TTC7B: variants seen among roughly 807,000 people sequenced by gnomAD.
TTC7B encodes tetratricopeptide repeat domain 7B.
TTC7B carries 28 observed loss-of-function variants against 106.8 expected under a neutral mutation model. The ratio of observed to expected loss-of-function variants is 0.26; its 90% CI spans 0.19 to 0.36. TTC7B has a LOEUF of 0.36. TTC7B is among the 10% of genes least tolerant of loss of function. The probability of loss-of-function intolerance (pLI) is 1.00; values close to 1 mark genes in which losing one functional copy is unlikely to be tolerated. For synonymous variants in TTC7B, 405 were observed against 430.6 expected (o/e 0.94, Z 0.74); for missense variants, 862 against 1,076.4 (o/e 0.80, Z 2.79).
chr14:90,566,605 T>C (rs1890811521), intron 19 of TTC7B, among the ~76,000 whole-genome samples: 1 of 152,038 alleles, frequency 6.6e-6, no homozygotes, highest in Non-Finnish European at 1.5e-5. Context: ...GTTATATAAA[T>C]ACCACACAGA....
intron 5 of TTC7B, among the ~76,000 whole-genome samples, chr14:90,712,110 A>C (rs572002411): frequency 6.6e-6 from 1 of 152,356 alleles, no homozygotes; most frequent in East Asian, 1.9e-4. Flanking sequence ...GGCTATATTA[A>C]TACCTGGTAA....
At position 90,657,314 on chromosome 14, in the gene TTC7B, G is replaced by C. The variant is rs747476440; in HGVS notation, c.1237-36C>G. 2 of 1,601,774 alleles carry C rather than the reference G, an allele frequency of 1.2e-6. No homozygotes were observed. The highest frequency in any genetic ancestry group is 1.7e-6 in the Non-Finnish European group (2 of 1,173,054). ...GAAGATTATTTCCGTGAAACTCAAA[G>C]TGTTTGACAGAACCGAATACTACAG... On this transcript the variant is annotated intron_variant, in intron 10 of 19. Coordinates refer to ENST00000328459, the MANE Select transcript of TTC7B (RefSeq NM_001010854.2). The surrounding 1 kb of genome is among the most constrained non-coding windows in gnomAD (Gnocchi z 4.2).
intron 1 of TTC7B, among the ~76,000 whole-genome samples, chr14:90,790,051 G>T (rs904587121): frequency 6.6e-6 from 1 of 151,992 alleles, no homozygotes; most frequent in Non-Finnish European, 1.5e-5. Context: ...CATTTCAAGT[G>T]GTCAATAGCT....
intron 19 of TTC7B, among the ~76,000 whole-genome samples, chr14:90,548,762 C>T (rs188153705): frequency 1.3e-5 from 2 of 152,306 alleles, no homozygotes; most frequent in Admixed American, 6.5e-5. Context: ...ACAGACTGAG[C>T]GTGGGTCTGT....
At chr14:90,643,871 C>T (rs923189356) in intron 15 of TTC7B, among the ~76,000 whole-genome samples, 177 bp downstream of exon 15, 1 of 152,090 alleles carries the variant, frequency 6.6e-6, no homozygotes, top group Non-Finnish European at 1.5e-5. Context: ...ATGTGAGCCA[C>T]GGCGCCCAGC....
chr14:90,762,779 G>C (rs1890543395), intron 3 of TTC7B, among the ~76,000 whole-genome samples: 1 of 152,188 alleles, frequency 6.6e-6, no homozygotes, highest in Admixed American at 6.5e-5. Flanking sequence ...TTTTGGATCA[G>C]GGCTGTTTGC....
intron 3 of TTC7B, among the ~76,000 whole-genome samples, chr14:90,769,659 C>T (rs1427628738): frequency 2.6e-5 from 4 of 152,132 alleles, no homozygotes; most frequent in African/African-American, 7.2e-5. Flanking sequence ...GTCCCAGCTA[C>T]TCGGGAGGCT....
Position 90,537,375 on chromosome 14 carries a change from G to GGGT in TTC7B, c.*3992_*3993insACC, listed in dbSNP as rs60255117. Reference sequence around the variant, plus strand: ...CTATTTTTTTTTTTTTGTAGAGATGGGGGGGGGGTCTCACCATGTTGCCCA... The same window carrying GGGT: ...CTATTTTTTTTTTTTTGTAGAGATGGGGTGGGGGGGGTCTCACCATGTTGCCCA... On this transcript the variant is annotated 3_prime_UTR_variant, in exon 20 of 20. Coordinates refer to ENST00000328459, the MANE Select transcript of TTC7B (RefSeq NM_001010854.2). The GGGT allele has an allele frequency of 1.5e-5, 2 of 135,214 alleles. No homozygotes were observed. The highest frequency in any genetic ancestry group is 3.2e-5 in the African/African-American group (1 of 31,248). 8.4% of individuals were successfully genotyped at this position (135,214 alleles called of 1,614,324 possible).
At position 90,779,477 on chromosome 14, in the gene TTC7B, G is replaced by T. The variant is rs979605493; in HGVS notation, c.445+1261C>A. 6.6e-5 allele frequency among the ~76,000 whole-genome samples: 10 copies of T among 151,964 alleles called. No homozygotes were observed. The East Asian group carries it at 1.7e-3, about 26-fold the overall frequency. Reference sequence around the variant, plus strand: ...CTGCCACCACACCCGGCTAATTTTTGTACTTTTAGTAGAGACAGGGTTTCA... The same window carrying T: ...CTGCCACCACACCCGGCTAATTTTTTTACTTTTAGTAGAGACAGGGTTTCA... On this transcript the variant is annotated intron_variant, in intron 3 of 19. Coordinates refer to ENST00000328459, the MANE Select transcript of TTC7B (RefSeq NM_001010854.2).
intron 1 of TTC7B, among the ~76,000 whole-genome samples, chr14:90,801,829 A>G (rs1286325): frequency 0.75 from 113,421 of 152,034 alleles, 42,611 homozygotes; most frequent in Middle Eastern, 0.83. Context: ...GCCAAGGGGA[A>G]GGGGGTGGAT....
At chr14:90,687,924 T>C (rs1887309781) in intron 7 of TTC7B, among the ~76,000 whole-genome samples, 1 of 152,100 alleles carries the variant, frequency 6.6e-6, no homozygotes, top group South Asian at 2.1e-4. Flanking sequence ...CTTAAGAGGA[T>C]TATTAAGAGG....
chr14:90,741,479 G>A (rs1889762204), intron 4 of TTC7B, among the ~76,000 whole-genome samples: 1 of 152,176 alleles, frequency 6.6e-6, no homozygotes, highest in African/African-American at 2.4e-5. Flanking sequence ...GCACCATGGA[G>A]AGGCCACCTC....
chr14:90,562,507 G>T (rs1050277153), intron 19 of TTC7B, among the ~76,000 whole-genome samples: 1 of 152,176 alleles, frequency 6.6e-6, no homozygotes, highest in African/African-American at 2.4e-5. Context: ...TGTTTAAACT[G>T]TATCTTGAAA....
At chr14:90,723,703 C>G (rs1394915703) in intron 5 of TTC7B, among the ~76,000 whole-genome samples, 1 of 152,182 alleles carries the variant, frequency 6.6e-6, no homozygotes, top group African/African-American at 2.4e-5. Flanking sequence ...TAAGCAGGGG[C>G]CTTCTGTTAT....
intron 4 of TTC7B, among the ~76,000 whole-genome samples, chr14:90,739,980 A>G (rs1423324477): frequency 6.6e-6 from 1 of 152,222 alleles, no homozygotes; most frequent in Non-Finnish European, 1.5e-5. Flanking sequence ...AGGCCATCCT[A>G]TGCCATTTCT....
intron 19 of TTC7B, among the ~76,000 whole-genome samples, chr14:90,566,149 T>C (rs905461308): frequency 2.6e-5 from 4 of 151,918 alleles, no homozygotes; most frequent in African/African-American, 9.7e-5. Flanking sequence ...CTCAGGAGTT[T>C]GAGACCAGCC....
rs1566779634 is a variant in TTC7B at position 90,578,062 on chromosome 14, T to C, written c.2310+44A>G. 4 of 1,566,288 alleles carry C rather than the reference T, an allele frequency of 2.6e-6. No individual in the cohort carries two copies. The highest frequency in any genetic ancestry group is 2.6e-6 in the Non-Finnish European group (3 of 1,154,738). The stretch of plus-strand genomic sequence containing the variant: ...TGCTACCTGCCGCTTCCAAGGGCTG[T>C]CCCCATGCCAGAGTAGGGGCCACCG... On this transcript the variant is annotated intron_variant, in intron 19 of 19. Transcript: ENST00000328459. The surrounding 1 kb of genome is among the most constrained non-coding windows in gnomAD (Gnocchi z 4.7).
At chr14:90,745,492 A>G (rs1332664961) in intron 3 of TTC7B, among the ~76,000 whole-genome samples, 2 of 152,142 alleles carry the variant, frequency 1.3e-5, no homozygotes, top group Admixed American at 6.6e-5. Context: ...TCTATTAAGA[A>G]TCAATGTTGG....
intron 18 of TTC7B, among the ~76,000 whole-genome samples, chr14:90,579,526 G>A (rs1200979364): frequency 2.0e-5 from 3 of 152,216 alleles, no homozygotes; most frequent in Non-Finnish European, 4.4e-5. Flanking sequence ...GGCAAGTTGC[G>A]GTGGCTTGTG....
Sources: gnomAD v4.1 joint callset for allele counts (sites outside exome capture counted in the v4.1 genomes callset) on GRCh38, gnomAD v4.1.1 for gene constraint, Gnocchi (gnomAD v3.1) non-coding constraint, MANE v1.5 for transcripts, NCBI Gene and HGNC (gene_info 2026-07-23, HGNC 2026-07-21) for gene names.